The following POP4 variants were observed in gnomAD, a reference collection of about 807,000 sequenced individuals.
POP4 encodes the protein POP4 ribonuclease P/MRP subunit, also known as ribonuclease P protein subunit p29.
In POP4, 31 loss-of-function variants were observed where a neutral mutation model predicts 29.9. The ratio of observed to expected loss-of-function variants is 1.04; its 90% CI spans 0.78 to 1.40. The LOEUF is 1.40. Among genes scored for constraint, POP4 ranks in the 40% most tolerant of loss-of-function variants. POP4 has a pLI of 0.00. For synonymous variants in POP4, 110 were observed against 108.2 expected, an observed-to-expected ratio of 1.02 and a Z score of -0.10; for missense variants, 286 against 282.7, an observed-to-expected ratio of 1.01 and a Z score of -0.08.
chr19:29,610,871 ATC>A, intron 3 of POP4: 1 of 534,586 alleles, frequency 1.9e-6, no homozygotes, highest in Non-Finnish European at 3.4e-6. Flanking sequence ...GTGCAAGTAC[ATC>A]TGTTGCCCAT....
At chr19:29,614,039 C>G (rs1453824319) in intron 6 of POP4, 67 bp downstream of exon 6, 1 of 1,553,734 alleles carries the variant, frequency 6.4e-7, no homozygotes, top group Non-Finnish European at 8.7e-7. Context: ...TAGCCTTTTC[C>G]TCAAGGCTCC....
chr19:29,610,286 T>C, intron 2 of POP4, 123 bp from the exon 3 acceptor site: 2 of 838,068 alleles, frequency 2.4e-6, no homozygotes, highest in Non-Finnish European at 3.6e-6. Flanking sequence ...AGAGCCTCAG[T>C]AGGTAAAGGG....
chr19:29,613,768 C>T lies in POP4; in HGVS notation c.425-103C>T, dbSNP rs541952121. The T allele has an allele frequency of 5.7e-5, 86 of 1,498,420 alleles. No individual in the cohort carries two copies. The African/African-American group carries it at 1.2e-3, about 20-fold the overall frequency. The allele number at this position is 1,498,420 out of a possible 1,614,324, so 92.8% of individuals were successfully genotyped here. The stretch of plus-strand genomic sequence containing the variant: ...GGTGCTCTGTTCTTTCATCTGCTAG[C>T]TCAGAGGGTGGGATCAGCACCCCCA... On this transcript the variant is annotated intron_variant, in intron 5 of 6. Transcript: ENST00000585603.
chr19:29,614,349 G>A (rs1971107203), intron 6 of POP4, among the ~76,000 whole-genome samples: 1 of 152,244 alleles, frequency 6.6e-6, no homozygotes, highest in African/African-American at 2.4e-5. Flanking sequence ...CCTGTCCCTG[G>A]AGTTCTGAGC....
Position 29,606,340 on chromosome 19 carries a change from G to C in POP4, c.7+15G>C. 1.2e-6 allele frequency: 2 copies of C among 1,605,950 alleles called. No homozygotes were observed. Among genetic ancestry groups the C allele is most frequent in the African/African-American group, 1.3e-5 (1 of 74,672 alleles). On this transcript the variant is annotated intron_variant, in intron 1 of 6. Coordinates refer to ENST00000585603, the MANE Select transcript of POP4 (RefSeq NM_006627.3). ...GAGAATGAAGAGTAAGCGGGGCCGC[G>C]AAGTTGGAGAGGGTTGGGGACGTTA...
chr19:29,612,454 C>T (rs570847867), intron 5 of POP4, among the ~76,000 whole-genome samples: 1 of 152,276 alleles, frequency 6.6e-6, no homozygotes, highest in East Asian at 1.9e-4. Context: ...ACAGTGGCTG[C>T]GAGCACTCAC....
chr19:29,615,365 A>C lies in POP4; in HGVS notation c.648A>C (p.Gly216=), dbSNP rs189358514. 6.2e-7 allele frequency: 1 copy of C among 1,613,716 alleles called. No homozygotes were observed. The stretch of plus-strand genomic sequence containing the variant: ...CTGCGAAGAAGTTCAAAGCGAAGGG[A>C]ACGATTGACCTGTGAATTCTTTGCC... ...ERSAKKFKAK[G]TIDL Residue 216 remains glycine (G), a synonymous_variant, in exon 7 of 7, where the codon GGA becomes GGC. Transcript: ENST00000585603.
chr19:29,606,387 G>T (rs1286582314), intron 1 of POP4, 62 bp downstream of exon 1: 2 of 1,549,512 alleles, frequency 1.3e-6, no homozygotes, highest in Admixed American at 4.1e-5. Flanking sequence ...CTTGGTACTG[G>T]TGGGTGAAAT....
rs965975891 is a variant in POP4, at chr19:29,612,046, T to C, written c.363-71T>C. 1.9e-6 allele frequency: 3 copies of C among 1,590,158 alleles called. No individual in the cohort carries two copies. In the African/African-American group the frequency reaches 4.1e-5, roughly 22 times the overall value. ...GTTGGTATTGCCTGGCTGCAGACGG[T>C]TAAAGACCTAGTTGCTTCTTTTGGA... On this transcript the variant is annotated intron_variant, in intron 4 of 6. Transcript: ENST00000585603.
At chr19:29,612,091 A>G (rs1971076229) in intron 4 of POP4, 26 bp from the exon 5 acceptor site, 3 of 1,600,030 alleles carry the variant, frequency 1.9e-6, no homozygotes, top group Non-Finnish European at 2.6e-6. Flanking sequence ...CATGATGTAA[A>G]CCAAGGGCTT....
rs752018779 is a variant in POP4 at position 29,610,529 on chromosome 19, T to C, written c.181T>C (p.Phe61Leu). Residue 61 changes from phenylalanine (F) to leucine (L), a missense_variant, in exon 3 of 7, where the codon TTC becomes CTC. Coordinates refer to ENST00000585603, the MANE Select transcript of POP4 (RefSeq NM_006627.3). ...LQRKAVVLEY[F>L]TRHKRKEKKK... ...GCGCAAGGCGGTGGTCCTGGAGTAC[T>C]TCACCCGCCACAAGCGCAAGGAGAA... The C allele has an allele frequency of 3.7e-6, 6 of 1,613,288 alleles. No individual in the cohort carries two copies. Among genetic ancestry groups the C allele is most frequent in the Non-Finnish European group, 5.1e-6 (6 of 1,179,908 alleles).
At chr19:29,611,779 C>T in intron 3 of POP4, 83 bp from the exon 4 acceptor site, 3 of 1,170,368 alleles carry the variant, frequency 2.6e-6, no homozygotes, top group Non-Finnish European at 3.8e-6. Context: ...TTGTTGGCAT[C>T]AAGTCAAGCT....
chr19:29,613,498 G>T (rs1363187221), intron 5 of POP4, among the ~76,000 whole-genome samples: 8 of 152,222 alleles, frequency 5.3e-5, no homozygotes, highest in Non-Finnish European at 8.8e-5. Context: ...CCTGGGCAGT[G>T]CATGGTGGTG....
At chr19:29,611,616 T>C in intron 3 of POP4, 1 of 464,654 alleles carries the variant, frequency 2.2e-6, no homozygotes, top group South Asian at 2.8e-5. Flanking sequence ...TTCTCTCTCA[T>C]GAAAAGAAGT....
At chr19:29,606,472 CTG>C (rs1012170668) in intron 1 of POP4, 147 bp downstream of exon 1, 20 of 941,902 alleles carry the variant, frequency 2.1e-5, no homozygotes, top group African/African-American at 1.4e-4. Flanking sequence ...CTAAGAAAAA[CTG>C]AGGGCTGGAG....
chr19:29,615,567 G>A lies in POP4; in HGVS notation c.*187G>A. The A allele has an allele frequency of 1.9e-6, 1 of 522,680 alleles. No individual in the cohort carries two copies. The highest frequency in any genetic ancestry group is 3.2e-6 in the Non-Finnish European group (1 of 314,100). The allele number at this position is 522,680 out of a possible 1,614,324, so 32.4% of individuals were successfully genotyped here. A position where few individuals can be genotyped will look rare whatever the true frequency, so the allele number is the denominator to read the frequency against. ...AGCGTACTAAGTGAAGAAGTCAGAG[G>A]ACAGAGGAATTTCTCTTTCTAGGAG... On this transcript the variant is annotated 3_prime_UTR_variant, in exon 7 of 7. Coordinates refer to ENST00000585603, the MANE Select transcript of POP4 (RefSeq NM_006627.3).
intron 1 of POP4, among the ~76,000 whole-genome samples, chr19:29,606,779 C>A (rs919584902): frequency 6.6e-6 from 1 of 152,092 alleles, no homozygotes; most frequent in African/African-American, 2.4e-5. Flanking sequence ...GTGTAGACAC[C>A]GTTAAGACTG....
In POP4 at chr19:29,616,912, C is replaced by T. The variant is rs1599489726; in HGVS notation, c.*1532C>T. ...CCACAGGAAGACAGACTTCGAGGGA[C>T]CTCTTGCCTAAGGCCTCGCTGACTC... On this transcript the variant is annotated 3_prime_UTR_variant, in exon 7 of 7. Coordinates refer to ENST00000585603, the MANE Select transcript of POP4 (RefSeq NM_006627.3). The T allele has an allele frequency of 6.6e-6, 1 of 150,978 alleles. No individual in the cohort carries two copies. Among genetic ancestry groups the T allele is most frequent in the Non-Finnish European group, 1.5e-5 (1 of 67,758 alleles). 9.4% of individuals were successfully genotyped at this position (150,978 alleles called of 1,614,324 possible).
Position 29,615,362 on chromosome 19 carries a change from G to C in POP4, c.645G>C (p.Lys215Asn), listed in dbSNP as rs1248991827. 1.2e-6 allele frequency: 2 copies of C among 1,613,344 alleles called. No individual in the cohort carries two copies. The highest frequency in any genetic ancestry group is 2.7e-5 in the African/African-American group (2 of 74,846). Residue 215 changes from lysine to asparagine, a missense_variant, in exon 7 of 7, where the codon AAG (lysine) becomes AAC (asparagine). Transcript: ENST00000585603. Reference protein sequence around the residue: ...SERSAKKFKAKGTIDL With the variant: ...SERSAKKFKANGTIDL ...GGTCTGCGAAGAAGTTCAAAGCGAA[G>C]GGAACGATTGACCTGTGAATTCTTT...
Sources: allele counts gnomAD v4.1 joint callset (sites outside exome capture counted in the v4.1 genomes callset), GRCh38; gene constraint gnomAD v4.1.1; transcripts MANE v1.5; gene names NCBI Gene and HGNC (gene_info 2026-07-23, HGNC 2026-07-21).